CPEB4: variants seen among roughly 807,000 people sequenced by gnomAD.
The protein encoded by CPEB4 is cytoplasmic polyadenylation element binding protein 4.
Under a neutral mutation model 72.5 loss-of-function variants are expected in CPEB4, and 12 were observed. The ratio of observed to expected loss-of-function variants is 0.17; its 90% CI spans 0.11 to 0.27. The LOEUF is 0.27. Among genes scored for constraint, CPEB4 ranks in the 10% least tolerant of loss-of-function variants. The probability of loss-of-function intolerance (pLI) is 1.00; values close to 1 mark genes in which losing one functional copy is unlikely to be tolerated. For missense variants in CPEB4, 614 were observed against 908.5 expected (o/e 0.68, Z 4.17); for synonymous variants, 302 against 326.3 (o/e 0.93, Z 0.80).
intron 3 of CPEB4, among the ~76,000 whole-genome samples, chr5:173,937,294 C>T (rs538074373): frequency 6.6e-6 from 1 of 152,240 alleles, no homozygotes; most frequent in East Asian, 1.9e-4. Context: ...CGGCCTGCCT[C>T]GGCCTTCCAA....
At chr5:173,892,831 C>T (rs895668582) in intron 1 of CPEB4, among the ~76,000 whole-genome samples, 4 of 152,098 alleles carry the variant, frequency 2.6e-5, no homozygotes, top group Non-Finnish European at 4.4e-5. Flanking sequence ...AATAGTTAGA[C>T]TAAGATTGAT....
intron 2 of CPEB4, among the ~76,000 whole-genome samples, chr5:173,928,702 G>A (rs1757335310): frequency 6.6e-6 from 1 of 152,088 alleles, no homozygotes; most frequent in Admixed American, 6.6e-5. Flanking sequence ...AGAAATAAAG[G>A]AAAAAGTACG....
chr5:173,922,510 C>T (rs775036913), intron 2 of CPEB4, among the ~76,000 whole-genome samples: 2 of 152,198 alleles, frequency 1.3e-5, no homozygotes, highest in Non-Finnish European at 2.9e-5. Context: ...GGATTACAGA[C>T]ATGAGCCATC....
chr5:173,954,523 C>A (rs1758316597), intron 9 of CPEB4, among the ~76,000 whole-genome samples: 1 of 152,070 alleles, frequency 6.6e-6, no homozygotes, highest in Admixed American at 6.6e-5. Context: ...CAGGCATATA[C>A]CACCATGCCC....
intron 1 of CPEB4, among the ~76,000 whole-genome samples, chr5:173,897,587 T>C (rs899045838): frequency 2.0e-5 from 3 of 152,214 alleles, no homozygotes; most frequent in Non-Finnish European, 4.4e-5. Flanking sequence ...TTTTTTTCTC[T>C]TAAATATTAT....
intron 9 of CPEB4, 115 bp downstream of exon 9, chr5:173,953,387 T>A: frequency 1.2e-5 from 9 of 774,474 alleles, no homozygotes; most frequent in Non-Finnish European, 1.8e-5. Flanking sequence ...CAATTTTGCC[T>A]ATAGAGTTAA....
chr5:173,954,729 C>G (rs1221167004), intron 9 of CPEB4, among the ~76,000 whole-genome samples: 2 of 152,084 alleles, frequency 1.3e-5, no homozygotes, highest in African/African-American at 4.8e-5. Flanking sequence ...TGCCTTATTC[C>G]AACATAAGTT....
chr5:173,953,354 T>C lies in CPEB4; in HGVS notation c.1962+82T>C, dbSNP rs1758273209. Reference sequence around the variant, plus strand: ...TACCAATATTAGAACGGGAGCATTTTATGACAATAAAGTGACAGCTGACAA... The same window carrying C: ...TACCAATATTAGAACGGGAGCATTTCATGACAATAAAGTGACAGCTGACAA... On this transcript the variant is annotated intron_variant, in intron 9 of 9. Coordinates refer to ENST00000265085, the MANE Select transcript of CPEB4 (RefSeq NM_030627.4). 6.4e-6 allele frequency: 7 copies of C among 1,093,648 alleles called. No individual in the cohort carries two copies. In the Middle Eastern group the frequency reaches 6.9e-4, roughly 107 times the overall value. 67.7% of individuals were successfully genotyped at this position (1,093,648 alleles called of 1,614,324 possible).
Position 173,889,797 on chromosome 5 carries a change from G to A in CPEB4, c.64G>A (p.Val22Ile), listed in dbSNP as rs1365676068. Reference sequence around the variant, plus strand: ...TACTGGGAATAAATCTGCTTTTCCAGTCAGATTCCATCCACATCTGCAGCC... The same window carrying A: ...TACTGGGAATAAATCTGCTTTTCCAATCAGATTCCATCCACATCTGCAGCC... ...SNTGNKSAFP[V>I]RFHPHLQPPH... Residue 22 changes from valine (V) to isoleucine (I), a missense_variant, in exon 1 of 10, where the codon GTC (valine) becomes ATC (isoleucine). Coordinates refer to ENST00000265085, the MANE Select transcript of CPEB4 (RefSeq NM_030627.4). 6.2e-7 allele frequency: 1 copy of A among 1,614,060 alleles called. No homozygotes were observed. The highest frequency in any genetic ancestry group is 1.1e-5 in the South Asian group (1 of 91,060).
chr5:173,899,936 G>A (rs1756163954), intron 1 of CPEB4, among the ~76,000 whole-genome samples: 1 of 152,102 alleles, frequency 6.6e-6, no homozygotes, highest in African/African-American at 2.4e-5. Context: ...TTGTGCTTGA[G>A]TGTTGAGGAG....
rs2113316853 is a variant in CPEB4 at position 173,958,429 on chromosome 5, T to G, written c.*2292T>G. 6.6e-6 allele frequency: 1 copy of G among 152,504 alleles called. No individual in the cohort carries two copies. The highest frequency in any genetic ancestry group is 2.4e-5 in the African/African-American group (1 of 41,580). The allele number at this position is 152,504 out of a possible 1,614,324, so 9.4% of individuals were successfully genotyped here. A position where few individuals can be genotyped will look rare whatever the true frequency, so the allele number is the denominator to read the frequency against. On this transcript the variant is annotated 3_prime_UTR_variant, in exon 10 of 10. Transcript: ENST00000265085. Reference sequence around the variant, plus strand: ...GAGAGATCTTCATATACTTCATTTTTTAATATAAATAATTTTAATAAATTT... The same window carrying G: ...GAGAGATCTTCATATACTTCATTTTGTAATATAAATAATTTTAATAAATTT...
At position 173,910,513 on chromosome 5, in the gene CPEB4, G is replaced by A. The variant is rs776731763; in HGVS notation, c.1126-10G>A. The A allele has an allele frequency of 2.5e-6, 4 of 1,604,714 alleles. No homozygotes were observed. Among genetic ancestry groups the A allele is most frequent in the Admixed American group, 1.7e-5 (1 of 59,300 alleles). On this transcript the variant is annotated splice_polypyrimidine_tract_variant and intron_variant, in intron 1 of 9. Transcript: ENST00000265085. ...TTTAAAAAGTGGTTTGTGGCTGTTTGTGTCTACAGGATCGCCCCAGGACAT... is the reference window on the plus strand; with the variant it reads ...TTTAAAAAGTGGTTTGTGGCTGTTTATGTCTACAGGATCGCCCCAGGACAT...
At chr5:173,892,192 C>T (rs959961421) in intron 1 of CPEB4, among the ~76,000 whole-genome samples, 2 of 151,262 alleles carry the variant, frequency 1.3e-5, no homozygotes, top group Non-Finnish European at 2.9e-5. Context: ...TAAGAGAACC[C>T]TATGTCATTC....
At chr5:173,905,571 G>A (rs985764961) in intron 1 of CPEB4, among the ~76,000 whole-genome samples, 12 of 152,062 alleles carry the variant, frequency 7.9e-5, no homozygotes, top group South Asian at 2.1e-4. Context: ...TGCCCACCTC[G>A]GCCTCCCAAA....
At chr5:173,916,652 T>C (rs1756881035) in intron 2 of CPEB4, among the ~76,000 whole-genome samples, 1 of 152,350 alleles carries the variant, frequency 6.6e-6, no homozygotes, top group Non-Finnish European at 1.5e-5. Flanking sequence ...TGACTATTTT[T>C]CATTGCTGTA....
chr5:173,956,252 TAACTA>T lies in CPEB4; in HGVS notation c.*116_*120del. ...TGTCCTTTTGTAGCAGTCTGTAACT[TAACTA>T]TAGTATAATGAAAAGAATGACCTAT... On this transcript the variant is annotated 3_prime_UTR_variant, in exon 10 of 10. Transcript: ENST00000265085. The T allele has an allele frequency of 1.4e-6, 1 of 734,526 alleles. No individual in the cohort carries two copies. Among genetic ancestry groups the T allele is most frequent in the South Asian group, 1.7e-5 (1 of 58,444 alleles). 45.5% of individuals were successfully genotyped at this position (734,526 alleles called of 1,614,324 possible).
At position 173,932,442 on chromosome 5, in the gene CPEB4, A is replaced by G. The variant is rs1213983022; in HGVS notation, c.1208-8A>G. The G allele has an allele frequency of 1.2e-6, 2 of 1,608,968 alleles. No homozygotes were observed. The highest frequency in any genetic ancestry group is 1.7e-6 in the Non-Finnish European group (2 of 1,177,378). On this transcript the variant is annotated splice_polypyrimidine_tract_variant and splice_region_variant and intron_variant, in intron 2 of 9. Coordinates refer to ENST00000265085, the MANE Select transcript of CPEB4 (RefSeq NM_030627.4). Reference sequence around the variant, plus strand: ...GTAAACTTAGTAACGGCCTTCTTTTACCTTCAGGTCGTCTAAACTATTCAT... The same window carrying G: ...GTAAACTTAGTAACGGCCTTCTTTTGCCTTCAGGTCGTCTAAACTATTCAT...
chr5:173,899,989 CG>C (rs970009361), intron 1 of CPEB4, among the ~76,000 whole-genome samples: 4 of 151,652 alleles, frequency 2.6e-5, no homozygotes, highest in East Asian at 1.9e-4. Context: ...GGATGGGGGT[CG>C]GGGGGTGTTG....
intron 2 of CPEB4, among the ~76,000 whole-genome samples, chr5:173,930,085 G>C (rs1388148608): frequency 7.1e-6 from 1 of 140,386 alleles, no homozygotes; most frequent in Non-Finnish European, 1.5e-5. Context: ...ACAGAGTTTT[G>C]TGCTTGTCTC....
Sources: allele counts gnomAD v4.1 joint callset (sites outside exome capture counted in the v4.1 genomes callset), GRCh38; gene constraint gnomAD v4.1.1; transcripts MANE v1.5; gene names NCBI Gene and HGNC (gene_info 2026-07-23, HGNC 2026-07-21).